Variants in MFN1 observed in about 807,000 individuals in gnomAD.
MFN1 encodes mitofusin-1.
Under a neutral mutation model 92.4 loss-of-function variants are expected in MFN1, and 65 were observed. The observed-to-expected ratio is 0.70, with a 90% CI of 0.58 to 0.86. The LOEUF (loss-of-function observed/expected upper bound fraction) is 0.86, where lower values mean the gene tolerates loss of function less well. Ranked by LOEUF, MFN1 falls within the 40% of genes least tolerant of loss-of-function variation. MFN1 has a pLI of 0.00. For missense variants in MFN1, 781 were observed against 868.0 expected, an observed-to-expected ratio of 0.90 and a Z score of 1.26; for synonymous variants, 297 against 300.9, an observed-to-expected ratio of 0.99 and a Z score of 0.13.
At chr3:179,375,072 A>T in intron 9 of MFN1, 148 bp from the exon 10 acceptor site, 1 of 867,208 alleles carries the variant, frequency 1.2e-6, no homozygotes, top group Non-Finnish European at 1.6e-6. Context: ...TCACCTTTGT[A>T]ATTTTAAGTT....
intron 3 of MFN1, among the ~76,000 whole-genome samples, chr3:179,357,523 T>A (rs2108527529): frequency 6.6e-6 from 1 of 152,276 alleles, no homozygotes; most frequent in South Asian, 2.1e-4. Context: ...ATGATATCCA[T>A]AACATAAAGA....
chr3:179,376,215 C>T (rs112872994), intron 10 of MFN1, among the ~76,000 whole-genome samples: 3 of 152,244 alleles, frequency 2.0e-5, no homozygotes, highest in South Asian at 2.1e-4. Flanking sequence ...GCATATAAAA[C>T]GCAAGGATCA....
At chr3:179,368,499 A>G (rs1157371800) in intron 9 of MFN1, among the ~76,000 whole-genome samples, 1 of 152,244 alleles carries the variant, frequency 6.6e-6, no homozygotes, top group African/African-American at 2.4e-5. Context: ...CCGCATGACT[A>G]ATAGAAGTAT....
At chr3:179,348,206 C>T (rs934295801) in intron 1 of MFN1, 1 of 152,378 alleles carries the variant, frequency 6.6e-6, no homozygotes. Context: ...TTTCTTGACT[C>T]TCTGGAAGAA....
intron 14 of MFN1, among the ~76,000 whole-genome samples, chr3:179,379,091 A>T (rs1348498003): frequency 6.6e-6 from 1 of 152,112 alleles, no homozygotes; most frequent in East Asian, 1.9e-4. Context: ...CACACAACAC[A>T]CAGTTTATTC....
chr3:179,348,744 T>C, intron 1 of MFN1, 101 bp from the exon 2 acceptor site: 1 of 1,501,424 alleles, frequency 6.7e-7, no homozygotes, highest in Non-Finnish European at 9.0e-7. Context: ...GCCAGCATAA[T>C]TTATTTCATT....
chr3:179,368,164 A>C, intron 9 of MFN1, 61 bp downstream of exon 9: 1 of 1,292,292 alleles, frequency 7.7e-7, no homozygotes, highest in Non-Finnish European at 1.0e-6. Context: ...GAGAAAGCAT[A>C]ATCTTCTATT....
chr3:179,360,454 A>G (rs1428675771), intron 4 of MFN1, among the ~76,000 whole-genome samples: 1 of 152,040 alleles, frequency 6.6e-6, no homozygotes, highest in Non-Finnish European at 1.5e-5. Flanking sequence ...TGTAGTAAGT[A>G]TATTTATGAA....
intron 8 of MFN1, 85 bp downstream of exon 8, chr3:179,367,677 C>CA: frequency 8.1e-7 from 1 of 1,237,252 alleles, no homozygotes. Flanking sequence ...GTAATCCCAG[C>CA]ACTTTGGAAG....
chr3:179,383,662 CA>C (rs933606942), intron 14 of MFN1, among the ~76,000 whole-genome samples: 5 of 152,024 alleles, frequency 3.3e-5, no homozygotes, highest in Non-Finnish European at 5.9e-5. Context: ...TTACCTTGGG[CA>C]GTATGGCCAT....
At chr3:179,389,891 C>T in intron 16 of MFN1, 113 bp from the exon 17 acceptor site, 1 of 936,550 alleles carries the variant, frequency 1.1e-6, no homozygotes, top group South Asian at 1.6e-5. Flanking sequence ...GTTCTGATTC[C>T]CTATAGTTTA....
intron 14 of MFN1, among the ~76,000 whole-genome samples, chr3:179,379,196 G>C (rs1232025933): frequency 1.3e-5 from 2 of 152,148 alleles, no homozygotes; most frequent in Non-Finnish European, 2.9e-5. Context: ...CACCTATGAA[G>C]GGTACTAAAA....
intron 9 of MFN1, among the ~76,000 whole-genome samples, chr3:179,370,275 TAC>T (rs887829966): frequency 2.0e-5 from 3 of 151,562 alleles, no homozygotes; most frequent in African/African-American, 7.3e-5. Context: ...TACATATACA[TAC>T]ACACACAGAC....
intron 16 of MFN1, among the ~76,000 whole-genome samples, chr3:179,387,900 G>T (rs142747975): frequency 0.13 from 19,250 of 151,410 alleles, 4,050 homozygotes; most frequent in African/African-American, 0.44. Context: ...GGCTAATTTT[G>T]TTTTGTATTT....
intron 3 of MFN1, among the ~76,000 whole-genome samples, chr3:179,352,439 A>G (rs1560189023): frequency 6.6e-6 from 1 of 152,106 alleles, no homozygotes; most frequent in East Asian, 1.9e-4. Flanking sequence ...TGAGATAACT[A>G]TTTCCAAGGA....
At chr3:179,382,757 T>G (rs1167205616) in intron 14 of MFN1, among the ~76,000 whole-genome samples, 1 of 152,102 alleles carries the variant, frequency 6.6e-6, no homozygotes, top group African/African-American at 2.4e-5. Context: ...TTGTAATGAT[T>G]GCCATTCTAA....
intron 14 of MFN1, among the ~76,000 whole-genome samples, chr3:179,379,085 C>A (rs1713367393): frequency 6.6e-6 from 1 of 152,136 alleles, no homozygotes; most frequent in African/African-American, 2.4e-5. Context: ...CGCAGGCACA[C>A]AACACACAGT....
rs759729190 is a variant in MFN1, at chr3:179,378,414, T to C, written c.1403T>C (p.Leu468Ser). ...ADRCTDEVNA[L>S]VLQTQQEIIE... Reference sequence around the variant, plus strand: ...CGATGCACCGATGAAGTAAACGCCTTAGTGCTTCAGACCCAGCAAGAAATT... The same window carrying C: ...CGATGCACCGATGAAGTAAACGCCTCAGTGCTTCAGACCCAGCAAGAAATT... The change falls in exon 13 of 18, where the codon TTA (leucine) becomes TCA (serine). Residue 468 changes from leucine to serine, a missense_variant. Coordinates refer to ENST00000471841, the MANE Select transcript of MFN1 (RefSeq NM_033540.3). 2.5e-6 allele frequency: 4 copies of C among 1,605,254 alleles called. No homozygotes were observed. The African/African-American group carries it at 5.4e-5, about 22-fold the overall frequency.
intron 3 of MFN1, among the ~76,000 whole-genome samples, chr3:179,353,308 C>T (rs1228778636): frequency 1.3e-5 from 2 of 151,300 alleles, no homozygotes; most frequent in Admixed American, 6.6e-5. Context: ...CCAGGCAATC[C>T]GCCCACCTCG....
Sources: allele counts gnomAD v4.1 joint callset (sites outside exome capture counted in the v4.1 genomes callset), GRCh38; gene constraint gnomAD v4.1.1; transcripts MANE v1.5; gene names NCBI Gene and HGNC (gene_info 2026-07-23, HGNC 2026-07-21).